CCDC171: variants seen among roughly 807,000 people sequenced by gnomAD.
CCDC171 encodes coiled-coil domain-containing protein 171.
CCDC171 carries 177 observed loss-of-function variants against 168.2 expected under a neutral mutation model. The ratio of observed to expected loss-of-function variants is 1.05; its 90% CI spans 0.93 to 1.19. The LOEUF is 1.19. Ranked by LOEUF, CCDC171 falls within the 50% of genes most tolerant of loss-of-function variation. CCDC171 has a pLI of 0.00. For missense variants in CCDC171, 1,991 were observed against 1,539.0 expected, an observed-to-expected ratio of 1.29 and a Z score of -4.91; for synonymous variants, 687 against 540.8, an observed-to-expected ratio of 1.27 and a Z score of -3.75.
chr9:15,912,727 A>T (rs1451257991), intron 24 of CCDC171, among the ~76,000 whole-genome samples: 1 of 152,124 alleles, frequency 6.6e-6, no homozygotes, highest in African/African-American at 2.4e-5. Flanking sequence ...TACCTAGTTT[A>T]TTGAGTGTTT....
chr9:15,801,177 C>T (rs1287761523), intron 21 of CCDC171, among the ~76,000 whole-genome samples: 1 of 151,668 alleles, frequency 6.6e-6, no homozygotes, highest in African/African-American at 2.4e-5. Context: ...ATAGGGATTG[C>T]ATTGAATTTG....
At chr9:15,674,257 T>A (rs1259421712) in intron 9 of CCDC171, among the ~76,000 whole-genome samples, 1 of 152,186 alleles carries the variant, frequency 6.6e-6, no homozygotes, top group African/African-American at 2.4e-5. Context: ...TCTTTTCTTG[T>A]TTATTAATAT....
chr9:15,874,034 T>G (rs1421537510), intron 23 of CCDC171, among the ~76,000 whole-genome samples: 1 of 152,122 alleles, frequency 6.6e-6, no homozygotes. Flanking sequence ...TTTTTAAGTC[T>G]CCTTTTGTGT....
chr9:15,574,373 G>C (rs1255036316), intron 3 of CCDC171, among the ~76,000 whole-genome samples: 2 of 151,970 alleles, frequency 1.3e-5, no homozygotes, highest in Non-Finnish European at 2.9e-5. Flanking sequence ...TCGAACTCCT[G>C]ACTTTGTGAT....
chr9:15,917,711 G>C (rs569277708), intron 24 of CCDC171, among the ~76,000 whole-genome samples: 1 of 151,684 alleles, frequency 6.6e-6, no homozygotes, highest in South Asian at 2.1e-4. Context: ...TCCAAGGTTA[G>C]AAAATGGGAT....
exon 6 of CCDC171, chr9:16,022,890 T>C (rs574225657): frequency 6.6e-6 from 1 of 152,372 alleles, no homozygotes; most frequent in Non-Finnish European, 1.5e-5. Flanking sequence ...TTCAGCCACA[T>C]CCAGGAGGTT....
At chr9:15,907,592 G>T (rs1431960774) in intron 24 of CCDC171, among the ~76,000 whole-genome samples, 1 of 152,130 alleles carries the variant, frequency 6.6e-6, no homozygotes. Context: ...CAGGACATAG[G>T]CATGGGCAAG....
At chr9:15,771,601 G>A (rs1416745239) in intron 18 of CCDC171, among the ~76,000 whole-genome samples, 6 of 151,938 alleles carry the variant, frequency 3.9e-5, no homozygotes, top group Non-Finnish European at 8.8e-5. Flanking sequence ...TTTGCAGCTT[G>A]TGTTTTAATT....
intron 10 of CCDC171, among the ~76,000 whole-genome samples, chr9:15,692,703 A>G (rs945466461): frequency 6.6e-6 from 1 of 151,440 alleles, no homozygotes; most frequent in Admixed American, 6.6e-5. Context: ...AATTTTTTGT[A>G]TATTTAGTAG....
intron 24 of CCDC171, chr9:15,888,951 T>TTTC (rs1819818437): frequency 1.2e-5 from 1 of 81,992 alleles, no homozygotes; most frequent in African/African-American, 6.2e-5. Context: ...TTTCTTTTCT[T>TTTC]TTTTTTTTTT....
intron 25 of CCDC171, among the ~76,000 whole-genome samples, chr9:15,939,517 C>A (rs982151385): frequency 7.9e-5 from 12 of 151,752 alleles, no homozygotes; most frequent in African/African-American, 2.9e-4. Flanking sequence ...AAATTGGTCA[C>A]CATTTCAATA....
chr9:15,636,840 C>A (rs750447685), intron 7 of CCDC171, among the ~76,000 whole-genome samples: 1 of 150,168 alleles, frequency 6.7e-6, no homozygotes, highest in Non-Finnish European at 1.5e-5. Flanking sequence ...CTTAAGGATG[C>A]TAGAAAACTC....
intron 18 of CCDC171, among the ~76,000 whole-genome samples, chr9:15,746,789 G>A (rs1038447503): frequency 6.6e-6 from 1 of 152,212 alleles, no homozygotes; most frequent in African/African-American, 2.4e-5. Flanking sequence ...GCTGAAGCAG[G>A]GCGGGGTGTC....
intron 21 of CCDC171, among the ~76,000 whole-genome samples, chr9:15,814,421 A>G (rs997975847): frequency 6.6e-6 from 1 of 152,212 alleles, no homozygotes; most frequent in Non-Finnish European, 1.5e-5. Flanking sequence ...ATGAAAATTT[A>G]GGAAATGATA....
chr9:15,685,894 A>G (rs1424546263), intron 10 of CCDC171, among the ~76,000 whole-genome samples: 1 of 152,224 alleles, frequency 6.6e-6, no homozygotes, highest in Non-Finnish European at 1.5e-5. Flanking sequence ...ATTAATAATT[A>G]CAAATGTAAT....
intron 21 of CCDC171, among the ~76,000 whole-genome samples, chr9:15,786,296 G>C (rs1318763763): frequency 1.3e-5 from 2 of 151,862 alleles, no homozygotes; most frequent in Admixed American, 6.6e-5. Flanking sequence ...CTTACCAACC[G>C]ATATGACTGT....
At chr9:16,052,609 G>A (rs1833768284) in intron 1 of CCDC171, among the ~76,000 whole-genome samples, 2 of 152,026 alleles carry the variant, frequency 1.3e-5, no homozygotes, top group Non-Finnish European at 2.9e-5. Context: ...CTCCTTCCTG[G>A]TGTTAACAAC....
intron 11 of CCDC171, among the ~76,000 whole-genome samples, chr9:15,706,029 T>C (rs2052192208): frequency 6.6e-6 from 1 of 152,216 alleles, no homozygotes; most frequent in Non-Finnish European, 1.5e-5. Context: ...ATGTACAATC[T>C]TTCATGGATC....
intron 15 of CCDC171, 110 bp downstream of exon 15, chr9:15,728,146 T>A: frequency 1.2e-6 from 1 of 839,220 alleles, no homozygotes; most frequent in Non-Finnish European, 1.8e-6. Flanking sequence ...AGAATTTGGA[T>A]GTTAATAATT....
Sources: gnomAD v4.1 joint callset for allele counts (sites outside exome capture counted in the v4.1 genomes callset) on GRCh38, gnomAD v4.1.1 for gene constraint, MANE v1.5 for transcripts, NCBI Gene and HGNC (gene_info 2026-07-23, HGNC 2026-07-21) for gene names.